Variants in LAMA3 observed in about 807,000 individuals in gnomAD.
The protein encoded by LAMA3 is laminin subunit alpha-3.
In LAMA3, 281 loss-of-function variants were observed where a neutral mutation model predicts 402.0. The ratio of observed to expected loss-of-function variants is 0.70; its 90% CI spans 0.63 to 0.77. The LOEUF (loss-of-function observed/expected upper bound fraction) is 0.77, where lower values mean the gene tolerates loss of function less well. Among genes scored for constraint, LAMA3 ranks in the 30% least tolerant of loss-of-function variants. The pLI is 0.00. For synonymous variants in LAMA3, 1,431 were observed against 1,558.4 expected (o/e 0.92, Z 1.93); for missense variants, 3,840 against 4,215.5 (o/e 0.91, Z 2.47).
At position 23,898,756 on chromosome 18, in the gene LAMA3, C is replaced by T. The variant is rs867507379; in HGVS notation, c.5632C>T (p.Arg1878Cys). The change falls in exon 45 of 75, where the codon CGT becomes TGT. Residue 1878 changes from arginine (R) to cysteine (C), a missense_variant. Arg to Cys is a radical substitution (Grantham distance 180). Transcript: ENST00000313654. ...TTTCCAGAATCAGTTGCTCAACTAC[C>T]GTTCTGCCATTTCAAATCATGGATC... Reference protein sequence around the residue: ...KDLRNQLLNYRSAISNHGSKI... With the variant: ...KDLRNQLLNYCSAISNHGSKI... 9 of 1,601,002 alleles carry T rather than the reference C, an allele frequency of 5.6e-6. No individual in the cohort carries two copies. The highest frequency in any genetic ancestry group is 1.3e-5 in the African/African-American group (1 of 74,768).
intron 65 of LAMA3, chr18:23,931,493 C>T (rs773384157): frequency 2.5e-5 from 7 of 276,674 alleles, no homozygotes; most frequent in South Asian, 7.2e-5. Context: ...CATGTCTCTA[C>T]GAAAACTAAA....
Position 23,840,377 on chromosome 18 carries a change from C to CTTTTTTTTTTTTTTTTTTTTT in LAMA3, c.3336+451_3336+452insTTTTTTTTTTTTTTTTTTTTT, listed in dbSNP as rs201657216. On this transcript the variant is annotated intron_variant, in intron 27 of 74. Transcript: ENST00000313654. ...ATAGTTATTGTAGCCAAGAACCTTT[C>CTTTTTTTTTTTTTTTTTTTTT]TTTCTTTTTTTTTTTTTTTTTTTGA... 7.5e-5 allele frequency among the ~76,000 whole-genome samples: 6 copies of CTTTTTTTTTTTTTTTTTTTTT among 79,514 alleles called. 3 individuals are homozygous for CTTTTTTTTTTTTTTTTTTTTT. The highest frequency in any genetic ancestry group is 1.2e-4 in the African/African-American group (2 of 17,258). 52.2% of individuals were successfully genotyped at this position (79,514 alleles called of 152,430 possible). A position where few individuals can be genotyped will look rare whatever the true frequency, so the allele number is the denominator to read the frequency against.
At chr18:23,947,871 G>A (rs1317184432) in intron 70 of LAMA3, among the ~76,000 whole-genome samples, 1 of 149,608 alleles carries the variant, frequency 6.7e-6, no homozygotes, top group Non-Finnish European at 1.5e-5. Context: ...GAGTGCAGTG[G>A]CACCATCTCA....
intron 32 of LAMA3, 105 bp downstream of exon 32, chr18:23,847,773 G>A: frequency 8.3e-7 from 1 of 1,202,746 alleles, no homozygotes; most frequent in Non-Finnish European, 1.2e-6. Flanking sequence ...GTCCAGGGGT[G>A]CCCTGTGTTG....
chr18:23,698,292 C>T (rs1393800028), intron 1 of LAMA3, among the ~76,000 whole-genome samples: 2 of 150,926 alleles, frequency 1.3e-5, no homozygotes, highest in African/African-American at 2.4e-5. Context: ...CTGCGAGCTC[C>T]GCCTCCCGGG....
At chr18:23,808,940 T>A (rs2063015559) in intron 12 of LAMA3, among the ~76,000 whole-genome samples, 1 of 152,210 alleles carries the variant, frequency 6.6e-6, no homozygotes, top group Non-Finnish European at 1.5e-5. Flanking sequence ...CCAACTAGCA[T>A]GGAATTTTTG....
rs188094931 is a variant in LAMA3, at chr18:23,817,740, A to C, written c.2147+1253A>C. 2.0e-5 allele frequency among the ~76,000 whole-genome samples: 3 copies of C among 152,202 alleles called. No homozygotes were observed. In the East Asian group the frequency reaches 5.8e-4, roughly 29 times the overall value. On this transcript the variant is annotated intron_variant, in intron 18 of 74. Coordinates refer to ENST00000313654, the MANE Select transcript of LAMA3 (RefSeq NM_198129.4). ...TAATAAAAACAAAAAAAGTCAGAGT[A>C]ACCCAGCCGCACTTTCCCTCAGTTG... is the stretch of plus-strand genomic sequence containing the variant.
intron 11 of LAMA3, among the ~76,000 whole-genome samples, chr18:23,780,257 A>T (rs1313394911): frequency 6.8e-6 from 1 of 147,362 alleles, no homozygotes; most frequent in African/African-American, 2.5e-5. Flanking sequence ...AAAGGTCAAC[A>T]GTTCTAATGG....
At position 23,914,777 on chromosome 18, in the gene LAMA3, G is replaced by T; in HGVS notation, c.7561G>T (p.Asp2521Tyr). ...AGAAACACCCGGAGTCTATGACATG[G>T]ATGGTAGAAATAGCAATACACTCCT... ...KPETPGVYDM[D>Y]GRNSNTLLNL... The change falls in exon 58 of 75, where the codon GAT becomes TAT. Residue 2521 changes from aspartate to tyrosine, a missense_variant. Around this residue, in one of 3 missense-constraint regions of LAMA3, gnomAD observed 891 missense variants for 857.5 expected, o/e 1.04. Coordinates refer to ENST00000313654, the MANE Select transcript of LAMA3 (RefSeq NM_198129.4). 1 of 1,613,346 alleles carries T rather than the reference G, an allele frequency of 6.2e-7. No individual in the cohort carries two copies. Among genetic ancestry groups the T allele is most frequent in the Non-Finnish European group, 8.5e-7 (1 of 1,179,288 alleles).
chr18:23,882,356 GT>G (rs1481949347), intron 40 of LAMA3, among the ~76,000 whole-genome samples: 1 of 152,172 alleles, frequency 6.6e-6, no homozygotes, highest in Non-Finnish European at 1.5e-5. Context: ...TAGGCCGGGT[GT>G]GGTGGCTCAT....
intron 44 of LAMA3, among the ~76,000 whole-genome samples, chr18:23,897,879 G>A (rs1374101761): frequency 6.6e-6 from 1 of 152,122 alleles, no homozygotes; most frequent in Non-Finnish European, 1.5e-5. Flanking sequence ...AACCAACCCT[G>A]CAGCTAAATA....
rs1224191575 is a variant in LAMA3, at chr18:23,918,755, GA to G, written c.7923+2061del. Among the ~76,000 whole-genome samples, 1 of 152,212 alleles carries G rather than the reference GA, an allele frequency of 6.6e-6. No individual in the cohort carries two copies. The highest frequency in any genetic ancestry group is 1.5e-5 in the Non-Finnish European group (1 of 68,040). On this transcript the variant is annotated intron_variant, in intron 60 of 74. Coordinates refer to ENST00000313654, the MANE Select transcript of LAMA3 (RefSeq NM_198129.4). This position sits in a 1 kb window ranked among gnomAD's most constrained non-coding sequence, Gnocchi z 4.1. ...GGAGTATTTCTGAAGAAATGTGGAT[GA>G]GCCCAAAGGCTTTCTGGTGGTCCGA...
At position 23,867,709 on chromosome 18, in the gene LAMA3, T is replaced by C. The variant is rs1046508907; in HGVS notation, c.4684-125T>C. 3 of 785,656 alleles carry C rather than the reference T, an allele frequency of 3.8e-6. No homozygotes were observed. In the African/African-American group the frequency reaches 5.1e-5, roughly 13 times the overall value. 48.7% of individuals were successfully genotyped at this position (785,656 alleles called of 1,614,324 possible). A position where few individuals can be genotyped will look rare whatever the true frequency, so the allele number is the denominator to read the frequency against. ...AATATTTTTACCAGTCAGTTAATTC[T>C]GAACTATTTTTTTAAGTCAGGTATG... On this transcript the variant is annotated intron_variant, in intron 36 of 74. Coordinates refer to ENST00000313654, the MANE Select transcript of LAMA3 (RefSeq NM_198129.4).
intron 32 of LAMA3, among the ~76,000 whole-genome samples, chr18:23,847,920 C>T (rs543888899): frequency 6.6e-6 from 1 of 152,360 alleles, no homozygotes; most frequent in South Asian, 2.1e-4. Context: ...CCATTGACTC[C>T]AGCATGCTGT....
At position 23,899,539 on chromosome 18, in the gene LAMA3, G is replaced by A. The variant is rs1186246759; in HGVS notation, c.6004+84G>A. 1.4e-5 allele frequency: 19 copies of A among 1,345,422 alleles called. 1 individual carries two copies. The highest frequency in any genetic ancestry group is 7.4e-5 in the South Asian group (6 of 81,352). 83.3% of individuals were successfully genotyped at this position (1,345,422 alleles called of 1,614,324 possible). A position where few individuals can be genotyped will look rare whatever the true frequency, so the allele number is the denominator to read the frequency against. ...TGCAGAGTGCAATGTAGAGTTCCCC[G>A]TTATAGGTGGAAGGCCTCATGGTTT... On this transcript the variant is annotated intron_variant, in intron 47 of 74. Coordinates refer to ENST00000313654, the MANE Select transcript of LAMA3 (RefSeq NM_198129.4).
intron 55 of LAMA3, among the ~76,000 whole-genome samples, chr18:23,911,342 T>C (rs1262287566): frequency 6.6e-6 from 1 of 152,202 alleles, no homozygotes; most frequent in African/African-American, 2.4e-5. Context: ...CTCATTCTTT[T>C]GTATTCGATC....
intron 12 of LAMA3, among the ~76,000 whole-genome samples, chr18:23,797,830 C>T (rs917741315): frequency 6.6e-6 from 1 of 152,148 alleles, no homozygotes; most frequent in Non-Finnish European, 1.5e-5. Context: ...TTACTCCAGA[C>T]TTTCCTAAGT....
At chr18:23,814,535 T>C in intron 15 of LAMA3, 33 bp downstream of exon 15, 1 of 1,348,152 alleles carries the variant, frequency 7.4e-7, no homozygotes, top group African/African-American at 1.4e-5. Context: ...TTTACTATAT[T>C]ATAATGTTCT....
intron 73 of LAMA3, among the ~76,000 whole-genome samples, chr18:23,952,428 T>G (rs541337826): frequency 6.6e-6 from 1 of 152,352 alleles, no homozygotes; most frequent in East Asian, 1.9e-4. Flanking sequence ...GTTATTTTAT[T>G]AATTATTTGT....
Sources: allele counts gnomAD v4.1 joint callset (sites outside exome capture counted in the v4.1 genomes callset), GRCh38; gene constraint gnomAD v4.1.1; regional missense constraint gnomAD v4.1.1; non-coding constraint Gnocchi (gnomAD v3.1); transcripts MANE v1.5; gene names NCBI Gene and HGNC (gene_info 2026-07-23, HGNC 2026-07-21).